SYNE1: variants seen among roughly 807,000 people sequenced by gnomAD.
SYNE1 encodes the protein nesprin-1.
Under a neutral mutation model 1,111.0 loss-of-function variants are expected in SYNE1, and 616 were observed. That is an observed-to-expected ratio of 0.55 (90% CI 0.52 to 0.59). SYNE1 has a LOEUF of 0.59. Among genes scored for constraint, SYNE1 ranks in the 20% least tolerant of loss-of-function variants. The probability of loss-of-function intolerance (pLI) is 0.00; values close to 1 mark genes in which losing one functional copy is unlikely to be tolerated. For missense variants in SYNE1, 10,006 were observed against 10,417.0 expected, an observed-to-expected ratio of 0.96 and a Z score of 1.72; for synonymous variants, 3,855 against 3,825.8, an observed-to-expected ratio of 1.01 and a Z score of -0.28.
chr6:152,409,302 A>T, intron 43 of SYNE1, 76 bp from the exon 44 acceptor site: 1 of 1,448,864 alleles, frequency 6.9e-7, no homozygotes, highest in East Asian at 2.3e-5. Context: ...GTCTCTAAGA[A>T]ATTTAATTCA....
chr6:152,380,954 C>T, intron 56 of SYNE1, 52 bp downstream of exon 56: 4 of 1,576,116 alleles, frequency 2.5e-6, no homozygotes, highest in South Asian at 2.2e-5. Context: ...TGATGAAAGT[C>T]AAAACATTTT....
At chr6:152,523,013 C>T (rs2099147251) in intron 5 of SYNE1, among the ~76,000 whole-genome samples, 2 of 152,084 alleles carry the variant, frequency 1.3e-5, no homozygotes, top group Non-Finnish European at 2.9e-5. Flanking sequence ...TGTCTGTTTA[C>T]TCTGATGATA....
intron 3 of SYNE1, among the ~76,000 whole-genome samples, chr6:152,585,612 C>T (rs1210475709): frequency 1.3e-5 from 2 of 152,076 alleles, no homozygotes. Flanking sequence ...TTCTCATTTG[C>T]TTTTTATTTA....
At chr6:152,236,075 T>G in intron 110 of SYNE1, 32 bp downstream of exon 110, 1 of 1,605,310 alleles carries the variant, frequency 6.2e-7, no homozygotes, top group East Asian at 2.2e-5. Context: ...GCAGCACTTA[T>G]CTAAAAATAT....
intron 90 of SYNE1, among the ~76,000 whole-genome samples, chr6:152,308,842 A>C (rs1458370415): frequency 6.6e-6 from 1 of 152,216 alleles, no homozygotes; most frequent in East Asian, 1.9e-4. Flanking sequence ...TATTGATGGA[A>C]TCAAAATAGT....
At chr6:152,390,740 T>C (rs944063088) in intron 52 of SYNE1, among the ~76,000 whole-genome samples, 1 of 152,162 alleles carries the variant, frequency 6.6e-6, no homozygotes, top group African/African-American at 2.4e-5. Context: ...TACATTCTTT[T>C]GAAAATGAAG....
At chr6:152,226,266 C>T (rs1160004393) in intron 115 of SYNE1, among the ~76,000 whole-genome samples, 3 of 151,984 alleles carry the variant, frequency 2.0e-5, no homozygotes, top group Admixed American at 6.6e-5. Context: ...GAAATGTGAT[C>T]GAATGTGGTA....
At chr6:152,520,312 G>A (rs2099132557) in intron 6 of SYNE1, 147 bp downstream of exon 6, 2 of 837,942 alleles carry the variant, frequency 2.4e-6, no homozygotes, top group Middle Eastern at 2.8e-4. Flanking sequence ...AAATCTAAGA[G>A]TATTTTATAA....
intron 66 of SYNE1, among the ~76,000 whole-genome samples, chr6:152,355,761 C>G (rs988745755): frequency 2.0e-5 from 3 of 152,046 alleles, no homozygotes; most frequent in Non-Finnish European, 2.9e-5. Context: ...TAAAATAAAT[C>G]AAGTCAAATC....
Position 152,213,626 on chromosome 6 carries a change from G to T in SYNE1, c.22480C>A (p.Gln7494Lys). The change falls in exon 123 of 146, where the codon CAG (glutamine) becomes AAG (lysine). Residue 7494 changes from glutamine to lysine, a missense_variant. Physicochemically the swap from Gln to Lys is moderately conservative, Grantham distance 53. This residue lies in a region of SYNE1 where 2,182 missense variants were observed against 2,287.8 expected (regional missense o/e 0.95). Coordinates refer to ENST00000367255, the MANE Select transcript of SYNE1 (RefSeq NM_182961.4). ...ATACAACTTACCTCGTGTGCTCTCT[G>T]CTGTTCCAAAAGGTGCTGATAATTT... is the stretch of plus-strand genomic sequence containing the variant. ...SGNYQHLLEQ[Q>K]RAHELFQAEM... is the part of the protein sequence containing the mutation. 1 of 1,614,010 alleles carries T rather than the reference G, an allele frequency of 6.2e-7. No homozygotes were observed. Among genetic ancestry groups the T allele is most frequent in the Non-Finnish European group, 8.5e-7 (1 of 1,179,966 alleles).
chr6:152,127,702 G>A (rs2053987582), intron 145 of SYNE1: 1 of 152,092 alleles, frequency 6.6e-6, no homozygotes, highest in South Asian at 2.1e-4. Flanking sequence ...GCCTTAGAGG[G>A]GAGAGGCTCT....
In SYNE1 at chr6:152,363,472, C is replaced by T. The variant is rs1011728325; in HGVS notation, c.10146-1149G>A. Among the ~76,000 whole-genome samples, 196 of 149,796 alleles carry T rather than the reference C, an allele frequency of 1.3e-3. 4 individuals carry two copies. Among genetic ancestry groups the T allele is most frequent in the African/African-American group, 4.3e-3 (177 of 40,918 alleles). ...TCGTGCCACTGCACTGGAGCCTGGG[C>T]GACAGAGCAAGACTCCGTCTCAAAC... On this transcript the variant is annotated intron_variant, in intron 63 of 145. Coordinates refer to ENST00000367255, the MANE Select transcript of SYNE1 (RefSeq NM_182961.4).
chr6:152,407,270 T>G, intron 44 of SYNE1, 74 bp from the exon 45 acceptor site: 1 of 1,413,900 alleles, frequency 7.1e-7, no homozygotes, highest in Non-Finnish European at 9.9e-7. Context: ...AAAGTACCAA[T>G]GCTTCTTTTA....
chr6:152,625,277 G>C (rs1290688363), intron 3 of SYNE1, among the ~76,000 whole-genome samples: 1 of 152,180 alleles, frequency 6.6e-6, no homozygotes, highest in African/African-American at 2.4e-5. Flanking sequence ...TTTCTGTGGA[G>C]ATTGGCCCCT....
In SYNE1 at chr6:152,369,135, G is replaced by A. The variant is rs568865469; in HGVS notation, c.9652-8C>T. ...TATTTCCTCAAGGACAGACTGAAAA[G>A]CACAAGCAAGTTACTATTCAGAGGC... is the stretch of plus-strand genomic sequence containing the variant. On this transcript the variant is annotated splice_region_variant and splice_polypyrimidine_tract_variant and intron_variant, in intron 60 of 145. Coordinates refer to ENST00000367255, the MANE Select transcript of SYNE1 (RefSeq NM_182961.4). 6.8e-6 allele frequency: 11 copies of A among 1,612,406 alleles called. No homozygotes were observed. The highest frequency in any genetic ancestry group is 7.6e-6 in the Non-Finnish European group (9 of 1,179,996).
chr6:152,467,859 T>A (rs1360554400), intron 16 of SYNE1, among the ~76,000 whole-genome samples: 1 of 152,148 alleles, frequency 6.6e-6, no homozygotes, highest in East Asian at 1.9e-4. Flanking sequence ...GAACATGGAG[T>A]AAATGCATTT....
intron 127 of SYNE1, among the ~76,000 whole-genome samples, chr6:152,199,538 G>A (rs553053067): frequency 6.6e-6 from 1 of 152,254 alleles, no homozygotes; most frequent in African/African-American, 2.4e-5. Context: ...AATTCATATA[G>A]CAATATTTGA....
chr6:152,546,300 CT>C (rs1462816817), intron 3 of SYNE1: 4 of 152,134 alleles, frequency 2.6e-5, no homozygotes, highest in Non-Finnish European at 5.9e-5. Context: ...CAGGACCAGG[CT>C]GTGGCAGATT....
rs2096319727 is a variant in SYNE1, at chr6:152,334,131, T to C, written c.12671A>G (p.Gln4224Arg). ...CCTTTGCAAGCACAGGTTGTTAGACTGACGGCACAAATCGAGCCACTGATC... is the reference window on the plus strand; with the variant it reads ...CCTTTGCAAGCACAGGTTGTTAGACCGACGGCACAAATCGAGCCACTGATC... ...LNDQWLDLCR[Q>R]SNNLCLQREE... Residue 4224 changes from glutamine to arginine, a missense_variant, in exon 77 of 146, where the codon CAG (glutamine) becomes CGG (arginine). Gln to Arg is a conservative substitution (Grantham distance 43). Coordinates refer to ENST00000367255, the MANE Select transcript of SYNE1 (RefSeq NM_182961.4). The C allele has an allele frequency of 6.2e-7, 1 of 1,614,088 alleles. No homozygotes were observed. Among genetic ancestry groups the C allele is most frequent in the African/African-American group, 1.3e-5 (1 of 74,932 alleles).
Sources: allele counts gnomAD v4.1 joint callset (sites outside exome capture counted in the v4.1 genomes callset), GRCh38; gene constraint gnomAD v4.1.1; regional missense constraint gnomAD v4.1.1; transcripts MANE v1.5; gene names NCBI Gene and HGNC (gene_info 2026-07-23, HGNC 2026-07-21).